NDST4: variants seen among roughly 807,000 people sequenced by gnomAD.
The protein encoded by NDST4 is N-deacetylase and N-sulfotransferase 4, also known as N-heparan sulfate sulfotransferase 4.
A neutral mutation model predicts 100.8 loss-of-function variants in NDST4; 63 were observed. The ratio of observed to expected loss-of-function variants is 0.62; its 90% CI spans 0.51 to 0.77. The LOEUF (loss-of-function observed/expected upper bound fraction) is 0.77. Among genes scored for constraint, NDST4 ranks in the 30% least tolerant of loss-of-function variants. NDST4 has a pLI of 0.00. For synonymous variants in NDST4, 377 were observed against 361.8 expected (o/e 1.04, Z -0.48); for missense variants, 943 against 1,018.4 (o/e 0.93, Z 1.01).
chr4:114,861,430 CTTCTT>C (rs1723915744), intron 7 of NDST4, among the ~76,000 whole-genome samples: 1 of 152,050 alleles, frequency 6.6e-6, no homozygotes, highest in African/African-American at 2.4e-5. Context: ...CACATTTGCC[CTTCTT>C]TTCTTTTTGT....
rs77010354 is a variant in NDST4 at position 114,996,006 on chromosome 4, T to G, written c.979-18732A>C. Reference sequence around the variant, plus strand: ...ATGAAGAAACAAAAAACTAGAATGATCATAATATTGCTGACATTTCCATAG... The same window carrying G: ...ATGAAGAAACAAAAAACTAGAATGAGCATAATATTGCTGACATTTCCATAG... On this transcript the variant is annotated intron_variant, in intron 2 of 13. Transcript: ENST00000264363. Among the ~76,000 whole-genome samples the G allele has an allele frequency of 7.0e-3, 1,070 of 152,228 alleles. 38 individuals are homozygous for G. The East Asian group carries it at 0.086, about 12-fold the overall frequency.
At chr4:114,962,496 C>T (rs1374057211) in intron 4 of NDST4, among the ~76,000 whole-genome samples, 2 of 151,772 alleles carry the variant, frequency 1.3e-5, no homozygotes, top group Non-Finnish European at 2.9e-5. Context: ...ATACAAATAT[C>T]AATTGTACTT....
chr4:114,851,605 G>T (rs914180368), intron 8 of NDST4, among the ~76,000 whole-genome samples: 1 of 152,098 alleles, frequency 6.6e-6, no homozygotes, highest in Admixed American at 6.6e-5. Flanking sequence ...CTTTCTATTA[G>T]ATTTTTAACA....
intron 12 of NDST4, among the ~76,000 whole-genome samples, chr4:114,832,955 G>T (rs1442856575): frequency 2.0e-5 from 3 of 152,188 alleles, no homozygotes; most frequent in African/African-American, 7.2e-5. Context: ...TCAGGTCCCA[G>T]TCATCTGAGT....
chr4:114,888,574 C>T (rs17047468), intron 6 of NDST4, among the ~76,000 whole-genome samples: 1 of 152,180 alleles, frequency 6.6e-6, no homozygotes, highest in Admixed American at 6.6e-5. Context: ...AATTGCATAA[C>T]TTAGAGTAAC....
At chr4:114,857,403 C>T (rs1449939133) in intron 7 of NDST4, among the ~76,000 whole-genome samples, 1 of 152,148 alleles carries the variant, frequency 6.6e-6, no homozygotes, top group Admixed American at 6.5e-5. Context: ...AATGGTATAT[C>T]TGGGATCAGT....
intron 2 of NDST4, among the ~76,000 whole-genome samples, chr4:115,047,574 CA>C: frequency 6.6e-6 from 1 of 152,018 alleles, no homozygotes; most frequent in Non-Finnish European, 1.5e-5. Context: ...ATCTATTTTA[CA>C]AGATGCAACT....
At chr4:114,928,703 C>T (rs1725433251) in intron 6 of NDST4, among the ~76,000 whole-genome samples, 1 of 152,094 alleles carries the variant, frequency 6.6e-6, no homozygotes, top group Non-Finnish European at 1.5e-5. Context: ...AAGCAGATTG[C>T]CCTCTGTAAT....
chr4:115,018,207 A>C (rs1727731946), intron 2 of NDST4, among the ~76,000 whole-genome samples: 1 of 151,992 alleles, frequency 6.6e-6, no homozygotes, highest in Non-Finnish European at 1.5e-5. Context: ...AGCCATTGAG[A>C]ACAAAAAACA....
intron 10 of NDST4, among the ~76,000 whole-genome samples, chr4:114,844,402 A>G (rs768914916): frequency 6.6e-6 from 1 of 152,106 alleles, no homozygotes; most frequent in Non-Finnish European, 1.5e-5. Context: ...CAACTCCTAT[A>G]GGTCTCTACC....
chr4:114,888,365 G>A (rs538106103), intron 6 of NDST4, among the ~76,000 whole-genome samples: 44 of 152,182 alleles, frequency 2.9e-4, no homozygotes, highest in African/African-American at 1.0e-3. Flanking sequence ...AGTATAAACA[G>A]TTTAGTTTCA....
chr4:115,050,007 C>A (rs547483812), intron 2 of NDST4, among the ~76,000 whole-genome samples: 1 of 152,202 alleles, frequency 6.6e-6, no homozygotes, highest in Admixed American at 6.5e-5. Flanking sequence ...AGAACCAAAA[C>A]CAGACCTTTC....
chr4:114,994,006 G>T (rs1046319484), intron 2 of NDST4, among the ~76,000 whole-genome samples: 1 of 151,814 alleles, frequency 6.6e-6, no homozygotes, highest in African/African-American at 2.4e-5. Context: ...ATGCCATATT[G>T]TTAAAACACA....
intron 6 of NDST4, among the ~76,000 whole-genome samples, chr4:114,917,451 AG>A (rs1725197511): frequency 6.6e-6 from 1 of 152,084 alleles, no homozygotes; most frequent in Admixed American, 6.6e-5. Flanking sequence ...GTATTTTGAT[AG>A]TAGTTGGCCT....
At chr4:115,099,536 C>A (rs1375016507) in intron 1 of NDST4, among the ~76,000 whole-genome samples, 1 of 152,036 alleles carries the variant, frequency 6.6e-6, no homozygotes, top group African/African-American at 2.4e-5. Context: ...TGAAAAAATA[C>A]AAATGGCCAT....
At chr4:115,056,522 T>C (rs1005149846) in intron 2 of NDST4, among the ~76,000 whole-genome samples, 1 of 152,136 alleles carries the variant, frequency 6.6e-6, no homozygotes, top group African/African-American at 2.4e-5. Context: ...ACAACTGAAA[T>C]GATTTGTAAT....
chr4:114,870,711 C>A (rs1351637539), intron 7 of NDST4, 57 bp downstream of exon 7: 2 of 1,445,480 alleles, frequency 1.4e-6, no homozygotes, highest in Non-Finnish European at 1.9e-6. Context: ...ACAAATTATA[C>A]ACTCACAAAT....
At chr4:114,919,512 G>A (rs879344008) in intron 6 of NDST4, among the ~76,000 whole-genome samples, 10 of 152,128 alleles carry the variant, frequency 6.6e-5, no homozygotes, top group Non-Finnish European at 1.5e-4. Flanking sequence ...AGCCCTGAGG[G>A]ACAAACAATC....
At chr4:115,069,494 A>G (rs1729025590) in intron 2 of NDST4, among the ~76,000 whole-genome samples, 1 of 152,248 alleles carries the variant, frequency 6.6e-6, no homozygotes, top group African/African-American at 2.4e-5. Flanking sequence ...TGGGCAGATG[A>G]CATGAACAGA....
Sources: gnomAD v4.1 joint callset for allele counts (sites outside exome capture counted in the v4.1 genomes callset) on GRCh38, gnomAD v4.1.1 for gene constraint, MANE v1.5 for transcripts, NCBI Gene and HGNC (gene_info 2026-07-23, HGNC 2026-07-21) for gene names.